CMPK2: variants seen among roughly 807,000 people sequenced by gnomAD.
CMPK2 encodes cytidine/uridine monophosphate kinase 2.
Under a neutral mutation model 33.4 loss-of-function variants are expected in CMPK2, and 32 were observed. That is an observed-to-expected ratio of 0.96 (90% confidence interval 0.72 to 1.29). CMPK2 has a LOEUF of 1.29. Among genes scored for constraint, CMPK2 ranks in the 50% most tolerant of loss-of-function variants. The pLI is 0.00. For synonymous variants in CMPK2, 299 were observed against 275.3 expected (o/e 1.09, Z -0.85); for missense variants, 672 against 616.0 (o/e 1.09, Z -0.96).
downstream of CMPK2, among the ~76,000 whole-genome samples, chr2:6,844,057 C>G (rs536164287): frequency 6.6e-6 from 1 of 152,198 alleles, no homozygotes; most frequent in Non-Finnish European, 1.5e-5. Flanking sequence ...CCAGTTGTCT[C>G]CACCACAGGG....
Position 6,861,168 on chromosome 2 carries a change from G to T in CMPK2, c.992+16C>A. The T allele has an allele frequency of 6.2e-7, 1 of 1,600,090 alleles. No individual in the cohort carries two copies. The highest frequency in any genetic ancestry group is 1.7e-4 in the Middle Eastern group (1 of 6,036). ...TTAGGGAGAAAATGCCTAATTCAAG[G>T]CATCTTTATACCTACCTGTCTACAA... is the stretch of plus-strand genomic sequence containing the variant. On this transcript the variant is annotated intron_variant, in intron 3 of 4. Transcript: ENST00000256722.
In CMPK2 at chr2:6,865,193, C is replaced by A; in HGVS notation, c.504G>T (p.Pro168=). ...RPHLGEFEAD[P]RGQLWQRLWE... ...AGAGGCGCTGCCACAGCTGGCCGCGCGGGTCGGCCTCGAACTCGCCCAAGT... is the reference window on the plus strand; with the variant it reads ...AGAGGCGCTGCCACAGCTGGCCGCGAGGGTCGGCCTCGAACTCGCCCAAGT... Residue 168 remains proline (P), a synonymous_variant, in exon 1 of 5, where the codon CCG becomes CCT. Coordinates refer to ENST00000256722, the MANE Select transcript of CMPK2 (RefSeq NM_207315.4). 2 of 1,532,172 alleles carry A rather than the reference C, an allele frequency of 1.3e-6. No individual in the cohort carries two copies. Among genetic ancestry groups the A allele is most frequent in the African/African-American group, 1.4e-5 (1 of 70,190 alleles). The allele number at this position is 1,532,172 out of a possible 1,614,324, so 94.9% of individuals were successfully genotyped here.
intron 4 of CMPK2, chr2:6,850,598 C>T: frequency 3.1e-6 from 1 of 326,224 alleles, no homozygotes; most frequent in Non-Finnish European, 4.4e-6. Flanking sequence ...AATCTCTTCT[C>T]CTCTCTGTGT....
intron 3 of CMPK2, among the ~76,000 whole-genome samples, chr2:6,841,694 C>G (rs1428818093): frequency 6.6e-6 from 1 of 152,092 alleles, no homozygotes; most frequent in Non-Finnish European, 1.5e-5. Context: ...AATTAGACAG[C>G]CTTCAAGTGT....
intron 3 of CMPK2, among the ~76,000 whole-genome samples, chr2:6,853,562 A>G (rs1662588293): frequency 6.6e-6 from 1 of 152,234 alleles, no homozygotes; most frequent in African/African-American, 2.4e-5. Context: ...TCTAATTCTT[A>G]TCAGACACTG....
At chr2:6,850,460 A>G (rs996170966) in intron 4 of CMPK2, among the ~76,000 whole-genome samples, 8 of 152,190 alleles carry the variant, frequency 5.3e-5, no homozygotes, top group Admixed American at 2.6e-4. Context: ...CTTCATGTGT[A>G]TACAGAGTGA....
downstream of CMPK2, among the ~76,000 whole-genome samples, chr2:6,846,085 A>G (rs768259062): frequency 3.2e-4 from 49 of 152,242 alleles, no homozygotes; most frequent in Non-Finnish European, 6.2e-4. Flanking sequence ...CTCCCCAGGG[A>G]GAAAAATTCC....
chr2:6,863,549 TGCCCGG>T lies in CMPK2; in HGVS notation c.699_704del (p.Arg234_Ala235del). ...GGCACTGGTCGACCAGGTCAAGCAC[TGCCCGG>T]GCTTCAGGAATAAAGGAGGTACACT... On this transcript the variant is annotated inframe_deletion, in exon 2 of 5. Coordinates refer to ENST00000256722, the MANE Select transcript of CMPK2 (RefSeq NM_207315.4). 6.2e-7 allele frequency: 1 copy of T among 1,614,064 alleles called. No homozygotes were observed. Among genetic ancestry groups the T allele is most frequent in the Middle Eastern group, 1.6e-4 (1 of 6,062 alleles).
intron 3 of CMPK2, among the ~76,000 whole-genome samples, chr2:6,855,960 G>A (rs1399463611): frequency 6.6e-6 from 1 of 152,122 alleles, no homozygotes; most frequent in Non-Finnish European, 1.5e-5. Flanking sequence ...TACCCACCAG[G>A]AACAAGTGGA....
At chr2:6,845,430 G>T (rs1280208065), downstream of CMPK2, among the ~76,000 whole-genome samples, 1 of 152,078 alleles carries the variant, frequency 6.6e-6, no homozygotes, top group African/African-American at 2.4e-5. Context: ...CGTTACCCAG[G>T]GTGGAGGGAA....
intron 3 of CMPK2, among the ~76,000 whole-genome samples, chr2:6,855,467 T>C (rs1489298704): frequency 6.6e-6 from 1 of 152,094 alleles, no homozygotes; most frequent in Non-Finnish European, 1.5e-5. Context: ...CAACTAAACC[T>C]CTTTTCTTTA....
intron 4 of CMPK2, chr2:6,850,855 G>A: frequency 6.1e-6 from 6 of 988,578 alleles, no homozygotes; most frequent in Admixed American, 5.8e-5. Context: ...CATGAGGCAG[G>A]AGGCCTGGCC....
chr2:6,852,489 T>C (rs926581071), intron 3 of CMPK2, among the ~76,000 whole-genome samples: 26 of 152,140 alleles, frequency 1.7e-4, no homozygotes, highest in African/African-American at 6.3e-4. Context: ...CCAGCAAAAC[T>C]CTCCTCTCCC....
In CMPK2 at chr2:6,851,489, T is replaced by C. The variant is rs1342594813; in HGVS notation, c.1187A>G (p.Glu396Gly). The C allele has an allele frequency of 6.2e-7, 1 of 1,614,270 alleles. No homozygotes were observed. Among genetic ancestry groups the C allele is most frequent in the Admixed American group, 1.7e-5 (1 of 60,034 alleles). ...ACTGTTGGCCTCAAGTTCTGCTTCT[T>C]CCCTGGTCTTCTCCATGCCCCGGCC... ...LQGRGMEKTR[E>G]EAELEANSVF... The change falls in exon 4 of 5, where the codon GAA becomes GGA. Residue 396 changes from glutamate (E) to glycine (G), a missense_variant. Coordinates refer to ENST00000256722, the MANE Select transcript of CMPK2 (RefSeq NM_207315.4).
intron 3 of CMPK2, among the ~76,000 whole-genome samples, chr2:6,859,265 G>A (rs554458627): frequency 7.9e-4 from 121 of 152,348 alleles, no homozygotes; most frequent in African/African-American, 2.7e-3. Context: ...AAGATTTGCA[G>A]CCTGACAATG....
intron 4 of CMPK2, 101 bp downstream of exon 4, chr2:6,851,349 G>A (rs988244509): frequency 3.8e-5 from 59 of 1,547,292 alleles, no homozygotes; most frequent in Admixed American, 7.8e-5. Context: ...TTTGAAAACT[G>A]GAAACAATAT....
At chr2:6,863,412 C>T in intron 2 of CMPK2, 52 bp downstream of exon 2, 1 of 1,477,894 alleles carries the variant, frequency 6.8e-7, no homozygotes, top group Non-Finnish European at 9.4e-7. Context: ...TCTGTTTCTG[C>T]AACTAATCAG....
In CMPK2 at chr2:6,849,180, A is replaced by G. The variant is rs1662438752; in HGVS notation, c.*670T>C. ...AGGTTGGTATATTTGCAGTTGGAGC[A>G]TCTTGGCTTGAATGTCTTTATATAT... On this transcript the variant is annotated 3_prime_UTR_variant, in exon 5 of 5. Coordinates refer to ENST00000256722, the MANE Select transcript of CMPK2 (RefSeq NM_207315.4). 1 of 985,344 alleles carries G rather than the reference A, an allele frequency of 1.0e-6. No individual in the cohort carries two copies. The highest frequency in any genetic ancestry group is 1.2e-6 in the Non-Finnish European group (1 of 829,924). The allele number at this position is 985,344 out of a possible 1,614,324, so 61.0% of individuals were successfully genotyped here. A position where few individuals can be genotyped will look rare whatever the true frequency, so the allele number is the denominator to read the frequency against.
chr2:6,861,409 T>C (rs1387611177), intron 2 of CMPK2, 24 bp from the exon 3 acceptor site: 7 of 1,589,728 alleles, frequency 4.4e-6, no homozygotes, highest in East Asian at 4.5e-5. Flanking sequence ...ACAAAATATA[T>C]ACATCTTAAC....
Sources: gnomAD v4.1 joint callset for allele counts (sites outside exome capture counted in the v4.1 genomes callset) on GRCh38, gnomAD v4.1.1 for gene constraint, MANE v1.5 for transcripts, NCBI Gene and HGNC (gene_info 2026-07-23, HGNC 2026-07-21) for gene names.